The following EXOC6 variants were observed in gnomAD, a reference collection of about 807,000 sequenced individuals.
The protein encoded by EXOC6 is exocyst complex component 6.
Under a neutral mutation model 112.5 loss-of-function variants are expected in EXOC6, and 60 were observed. That is an observed-to-expected ratio of 0.53 (90% CI 0.43 to 0.66). EXOC6 has a LOEUF of 0.66. Among genes scored for constraint, EXOC6 ranks in the 30% least tolerant of loss-of-function variants. The probability of loss-of-function intolerance (pLI) is 0.00; values close to 1 mark genes in which losing one functional copy is unlikely to be tolerated. For synonymous variants in EXOC6, 295 were observed against 308.0 expected, an observed-to-expected ratio of 0.96 and a Z score of 0.44; for missense variants, 855 against 957.1, an observed-to-expected ratio of 0.89 and a Z score of 1.41.
intron 19 of EXOC6, among the ~76,000 whole-genome samples, chr10:93,013,557 G>A (rs1445452359): frequency 1.3e-5 from 2 of 152,186 alleles, no homozygotes; most frequent in African/African-American, 4.8e-5. Flanking sequence ...GCAATGAGCC[G>A]AGATGGCGCC....
At chr10:92,970,061 CAG>C (rs1032140002) in intron 17 of EXOC6, among the ~76,000 whole-genome samples, 54 of 152,058 alleles carry the variant, frequency 3.6e-4, no homozygotes, top group Admixed American at 7.9e-4. Context: ...TTTTTCAAGA[CAG>C]GGGTGATTTC....
intron 1 of EXOC6, among the ~76,000 whole-genome samples, chr10:92,875,373 A>AC (rs547943537): frequency 0.01 from 1,546 of 152,228 alleles, 29 homozygotes; most frequent in African/African-American, 0.035. Flanking sequence ...ATACACACAC[A>AC]AATATATTTT....
chr10:92,894,580 C>T (rs2133816710), intron 2 of EXOC6, among the ~76,000 whole-genome samples: 1 of 152,162 alleles, frequency 6.6e-6, no homozygotes, highest in Non-Finnish European at 1.5e-5. Context: ...AGAAGTTTGC[C>T]ACAGAATCTG....
chr10:92,852,514 A>G (rs1331658949), intron 1 of EXOC6, among the ~76,000 whole-genome samples: 2 of 152,216 alleles, frequency 1.3e-5, no homozygotes, highest in African/African-American at 4.8e-5. Context: ...AGTATAAAAT[A>G]CATCTATATA....
chr10:92,881,367 C>G (rs1477967822), intron 1 of EXOC6, among the ~76,000 whole-genome samples: 1 of 152,060 alleles, frequency 6.6e-6, no homozygotes, highest in African/African-American at 2.4e-5. Context: ...GGAGTGTAGA[C>G]CCTTCCTCTT....
At chr10:92,987,399 T>C (rs550469562) in intron 18 of EXOC6, among the ~76,000 whole-genome samples, 2 of 152,300 alleles carry the variant, frequency 1.3e-5, no homozygotes, top group Admixed American at 1.3e-4. Context: ...TTTGTCTAAT[T>C]AGTATGGATG....
Position 92,839,181 on chromosome 10 carries a change from T to C in EXOC6, c.86+4357T>C, listed in dbSNP as rs566991522. Among the ~76,000 whole-genome samples the C allele has an allele frequency of 4.2e-4, 64 of 152,292 alleles. No homozygotes were observed. In the South Asian group the frequency reaches 0.013, roughly 31 times the overall value. The stretch of plus-strand genomic sequence containing the variant: ...CTAATCTTTTTGCCCTGGGCATCAT[T>C]GTTTTCATTGCTTGCAACCACAGGC... On this transcript the variant is annotated intron_variant, in intron 1 of 21. Transcript: ENST00000371552.
At chr10:92,964,970 CTG>C (rs1170675217) in intron 17 of EXOC6, among the ~76,000 whole-genome samples, 18 of 152,180 alleles carry the variant, frequency 1.2e-4, no homozygotes, top group Admixed American at 3.3e-4. Flanking sequence ...GGAAGAGAAA[CTG>C]TCTCCCTCCA....
intron 14 of EXOC6, among the ~76,000 whole-genome samples, chr10:92,950,301 T>C (rs1005492280): frequency 6.6e-6 from 1 of 152,154 alleles, no homozygotes; most frequent in Non-Finnish European, 1.5e-5. Flanking sequence ...ACTTGAGTTA[T>C]TTTCAACATA....
In EXOC6 at chr10:93,056,959, T is replaced by G. The variant is rs1479938203; in HGVS notation, c.2205T>G (p.Thr735=). 1 of 1,601,126 alleles carries G rather than the reference T, an allele frequency of 6.2e-7. No homozygotes were observed. Among genetic ancestry groups the G allele is most frequent in the African/African-American group, 1.3e-5 (1 of 74,126 alleles). ...LDLFMVWDWS[T]YLADYGQPAS... ...TGTTTATGGTTTGGGATTGGTCTAC[T>G]TACCTAGCTGATTATGGGCAGCCAG... Residue 735 remains threonine, a synonymous_variant, in exon 21 of 22, where the codon ACT becomes ACG. Transcript: ENST00000260762.
chr10:92,851,076 C>T lies in EXOC6; in HGVS notation c.101+2442C>T, dbSNP rs1215922624. Among the ~76,000 whole-genome samples, 4 of 151,944 alleles carry T rather than the reference C, an allele frequency of 2.6e-5. No individual in the cohort carries two copies. In the East Asian group the frequency reaches 7.7e-4, roughly 29 times the overall value. ...TATTTTAAACTGAGTAAAATGAAAA[C>T]ACAGCATATCATTTGTGAATGCAGC... is the stretch of plus-strand genomic sequence containing the variant. On this transcript the variant is annotated intron_variant, in intron 1 of 21. Coordinates refer to ENST00000260762, the MANE Select transcript of EXOC6 (RefSeq NM_019053.6).
intron 1 of EXOC6, among the ~76,000 whole-genome samples, chr10:92,858,029 C>CCCCCG (rs1564777130): frequency 7.4e-6 from 1 of 136,006 alleles, no homozygotes; most frequent in South Asian, 2.7e-4. Context: ...GGTTCCCCCC[C>CCCCCG]TCCGCCGGCC....
At chr10:92,833,562 AG>A (rs1846559577), upstream of EXOC6, among the ~76,000 whole-genome samples, 1 of 152,198 alleles carries the variant, frequency 6.6e-6, no homozygotes, top group Admixed American at 6.5e-5. Context: ...GGATGCAGGC[AG>A]GGGTGACAAA....
intron 19 of EXOC6, among the ~76,000 whole-genome samples, chr10:93,013,890 G>C (rs921303184): frequency 6.6e-6 from 1 of 152,116 alleles, no homozygotes; most frequent in Non-Finnish European, 1.5e-5. Flanking sequence ...GGGTCAGAAA[G>C]CTTTACTTGA....
intron 19 of EXOC6, among the ~76,000 whole-genome samples, chr10:93,007,727 C>T (rs79781445): frequency 0.012 from 1,865 of 152,240 alleles, 28 homozygotes; most frequent in African/African-American, 0.038. Flanking sequence ...CAGCTTACCC[C>T]GCATACATTA....
chr10:92,984,629 T>C (rs1842937533), intron 18 of EXOC6, among the ~76,000 whole-genome samples: 1 of 152,218 alleles, frequency 6.6e-6, no homozygotes, highest in Non-Finnish European at 1.5e-5. Context: ...AAGGGAAATA[T>C]ACTATTTAAG....
chr10:92,831,460 G>GTCTCA (rs1846477701), upstream of EXOC6: 13 of 579,542 alleles, frequency 2.2e-5, no homozygotes, highest in Non-Finnish European at 3.4e-5. Context: ...TCGAGTTGGA[G>GTCTCA]TCTCACTCTG....
intron 4 of EXOC6, among the ~76,000 whole-genome samples, chr10:92,896,147 G>GTCTA (rs1432410468): frequency 4.1e-5 from 1 of 24,486 alleles, no homozygotes; most frequent in Non-Finnish European, 6.2e-5. Context: ...GTATGTATGT[G>GTCTA]TATATATATA....
Position 92,915,882 on chromosome 10 carries a change from C to G in EXOC6, c.788C>G (p.Ser263Ter). 2 of 1,544,934 alleles carry G rather than the reference C, an allele frequency of 1.3e-6. No homozygotes were observed. The highest frequency in any genetic ancestry group is 2.6e-5 in the South Asian group (2 of 77,928). ...EERNETVLKHSLEEEDENEEE... is the reference protein window; with the variant it reads ...EERNETVLKH Reference sequence around the variant, plus strand: ...AGGAATGAAACTGTATTGAAACATTCACTTGAAGAAGAGGATGAGAATGAA... The same window carrying G: ...AGGAATGAAACTGTATTGAAACATTGACTTGAAGAAGAGGATGAGAATGAA... The change falls in exon 7 of 22, where the codon TCA (serine) becomes TGA (stop). Residue 263 changes from serine (S) to a stop codon, truncating the protein, a stop_gained. Transcript: ENST00000260762. LOFTEE classifies it high-confidence loss of function.
Sources: allele counts gnomAD v4.1 joint callset (sites outside exome capture counted in the v4.1 genomes callset), GRCh38; gene constraint gnomAD v4.1.1; transcripts MANE v1.5; gene names NCBI Gene and HGNC (gene_info 2026-07-23, HGNC 2026-07-21).